CPD: variants seen among roughly 807,000 people sequenced by gnomAD.
CPD encodes carboxypeptidase D, also known as metallocarboxypeptidase D.
Under a neutral mutation model 138.3 loss-of-function variants are expected in CPD, and 69 were observed. The observed-to-expected ratio is 0.50, with a 90% CI of 0.41 to 0.61. CPD has a LOEUF of 0.61. Among genes scored for constraint, CPD ranks in the 20% least tolerant of loss-of-function variants. The pLI is 0.00. For synonymous variants in CPD, 651 were observed against 642.1 expected (o/e 1.01, Z -0.21); for missense variants, 1,432 against 1,733.3 (o/e 0.83, Z 3.09).
intron 17 of CPD, 86 bp downstream of exon 17, chr17:30,456,612 C>A: frequency 1.5e-6 from 2 of 1,342,826 alleles, no homozygotes; most frequent in Non-Finnish European, 2.1e-6. Flanking sequence ...GAGGCCAAGG[C>A]AGGTGGATTT....
At chr17:30,461,141 T>C (rs773419335) in intron 17 of CPD, 39 bp from the exon 18 acceptor site, 3 of 1,507,868 alleles carry the variant, frequency 2.0e-6, no homozygotes, top group South Asian at 1.3e-5. Context: ...CTTTTACTTA[T>C]TAATTTTCCC....
At chr17:30,391,160 A>G (rs941773097) in intron 2 of CPD, among the ~76,000 whole-genome samples, 5 of 134,726 alleles carry the variant, frequency 3.7e-5, no homozygotes, top group South Asian at 2.3e-4. Context: ...TTTTAATCAC[A>G]GTGCGCTGAT....
Position 30,382,709 on chromosome 17 carries a change from G to A in CPD, c.747-2280G>A, listed in dbSNP as rs116374857. ...TTGGAAGAAATGTTGAACAAAATGAGAAACAGCATTTTGTAGAGAATCTTG... is the reference window on the plus strand; with the variant it reads ...TTGGAAGAAATGTTGAACAAAATGAAAAACAGCATTTTGTAGAGAATCTTG... On this transcript the variant is annotated intron_variant, in intron 1 of 20. Coordinates refer to ENST00000225719, the MANE Select transcript of CPD (RefSeq NM_001304.5). Among the ~76,000 whole-genome samples the A allele has an allele frequency of 3.4e-3, 524 of 152,308 alleles. 4 individuals carry two copies. Among genetic ancestry groups the A allele is most frequent in the African/African-American group, 0.012 (495 of 41,584 alleles).
chr17:30,443,721 T>C, intron 10 of CPD, 81 bp from the exon 11 acceptor site: 2 of 1,313,974 alleles, frequency 1.5e-6, no homozygotes, highest in Non-Finnish European at 2.1e-6. Context: ...GTTGACAATC[T>C]GTTATTTTGA....
chr17:30,462,624 G>A (rs546149956), intron 20 of CPD, among the ~76,000 whole-genome samples, 155 bp downstream of exon 20: 11 of 151,934 alleles, frequency 7.2e-5, no homozygotes, highest in Non-Finnish European at 1.3e-4. Flanking sequence ...CTCTGTTCTC[G>A]CATATGTTCT....
intron 2 of CPD, among the ~76,000 whole-genome samples, chr17:30,414,861 T>C (rs1912064396): frequency 6.6e-6 from 1 of 152,112 alleles, no homozygotes; most frequent in Admixed American, 6.5e-5. Context: ...CAGTTTTGGA[T>C]ATGTTAAGTT....
intron 11 of CPD, among the ~76,000 whole-genome samples, chr17:30,445,477 G>GA (rs761856834): frequency 2.6e-4 from 39 of 151,534 alleles, no homozygotes; most frequent in East Asian, 2.3e-3. Context: ...AAAAAATCAT[G>GA]AAAAAAAATC....
intron 2 of CPD, among the ~76,000 whole-genome samples, chr17:30,385,918 C>G (rs1240370602): frequency 6.6e-6 from 1 of 151,912 alleles, no homozygotes; most frequent in Non-Finnish European, 1.5e-5. Flanking sequence ...TTATATAGAT[C>G]ATGTTGCGCA....
At chr17:30,449,912 C>T (rs1282945795) in intron 13 of CPD, among the ~76,000 whole-genome samples, 164 bp downstream of exon 13, 2 of 151,992 alleles carry the variant, frequency 1.3e-5, no homozygotes, top group Non-Finnish European at 2.9e-5. Context: ...GTAGTATATA[C>T]CCTTTGTTAA....
At chr17:30,446,134 A>T in intron 12 of CPD, 114 bp downstream of exon 12, 2 of 772,264 alleles carry the variant, frequency 2.6e-6, no homozygotes, top group South Asian at 4.0e-5. Context: ...ATGTACAGAG[A>T]GTTGGAGTTT....
rs377165798 is a variant in CPD, at chr17:30,436,502, A to G, written c.2128-2473A>G. ...TTTCTCTGAAGAAGAGAAAATGGCC[A>G]ATAAGCACATGAAAAGATGCTCAAT... On this transcript the variant is annotated intron_variant, in intron 8 of 20. Transcript: ENST00000225719. Among the ~76,000 whole-genome samples the G allele has an allele frequency of 4.9e-4, 74 of 152,348 alleles. 1 individual carries two copies. The highest frequency in any genetic ancestry group is 1.6e-3 in the African/African-American group (66 of 41,582).
chr17:30,448,679 A>G (rs114920247), intron 12 of CPD, among the ~76,000 whole-genome samples: 1,909 of 152,344 alleles, frequency 0.013, 35 homozygotes, highest in African/African-American at 0.044. Flanking sequence ...TTGGGCAAGC[A>G]GAGTATTTGA....
intron 2 of CPD, among the ~76,000 whole-genome samples, chr17:30,404,516 T>A (rs538423116): frequency 3.4e-4 from 52 of 152,264 alleles, no homozygotes; most frequent in Middle Eastern, 3.4e-3. Flanking sequence ...GGTCTTTCAT[T>A]TTTGAACATT....
chr17:30,451,127 C>T (rs899263536), intron 13 of CPD, among the ~76,000 whole-genome samples: 1 of 152,190 alleles, frequency 6.6e-6, no homozygotes, highest in Non-Finnish European at 1.5e-5. Context: ...GAAACTGAGG[C>T]AGTCCCACAG....
chr17:30,397,199 A>G (rs1322234729), intron 2 of CPD, among the ~76,000 whole-genome samples: 1 of 152,216 alleles, frequency 6.6e-6, no homozygotes, highest in East Asian at 1.9e-4. Context: ...TGTAAAAAAA[A>G]CTATGCCTTT....
At chr17:30,416,263 C>T (rs1263362125) in intron 2 of CPD, among the ~76,000 whole-genome samples, 3 of 151,970 alleles carry the variant, frequency 2.0e-5, no homozygotes, top group Admixed American at 1.3e-4. Context: ...ACCTGGGAGG[C>T]GGAGGTTGCG....
At chr17:30,404,190 A>G (rs1473754780) in intron 2 of CPD, among the ~76,000 whole-genome samples, 8 of 152,120 alleles carry the variant, frequency 5.3e-5, no homozygotes, top group Admixed American at 6.6e-5. Context: ...TGTAAATGGG[A>G]TGAATTTTAT....
chr17:30,439,394 C>CTTTTTTTTTTTTTTT (rs71138889), intron 9 of CPD, among the ~76,000 whole-genome samples: 161 of 124,506 alleles, frequency 1.3e-3, no homozygotes, highest in East Asian at 2.9e-3. Flanking sequence ...ACGTTACTTT[C>CTTTTTTTTTTTTTTT]TTTTTTTTTT....
At chr17:30,461,424 T>A in intron 18 of CPD, 113 bp downstream of exon 18, 1 of 778,186 alleles carries the variant, frequency 1.3e-6, no homozygotes, top group Non-Finnish European at 1.7e-6. Flanking sequence ...TAAATTTATA[T>A]AGAAAGAAGA....
Sources: gnomAD v4.1 joint callset for allele counts (sites outside exome capture counted in the v4.1 genomes callset) on GRCh38, gnomAD v4.1.1 for gene constraint, MANE v1.5 for transcripts, NCBI Gene and HGNC (gene_info 2026-07-23, HGNC 2026-07-21) for gene names.